The following TTC28 variants were observed in gnomAD, a reference collection of about 807,000 sequenced individuals.
The protein encoded by TTC28 is tetratricopeptide repeat protein 28.
TTC28 carries 61 observed loss-of-function variants against 198.0 expected under a neutral mutation model. The observed-to-expected ratio is 0.31, with a 90% CI of 0.25 to 0.38. The LOEUF is 0.38. TTC28 is among the 10% of genes least tolerant of loss of function. The probability of loss-of-function intolerance (pLI) is 1.00; values close to 1 mark genes in which losing one functional copy is unlikely to be tolerated. For missense variants in TTC28, 2,678 were observed against 3,164.0 expected, an observed-to-expected ratio of 0.85 and a Z score of 3.69; for synonymous variants, 1,171 against 1,297.8, an observed-to-expected ratio of 0.90 and a Z score of 2.10.
At chr22:28,641,940 T>C (rs2051372255) in intron 1 of TTC28, among the ~76,000 whole-genome samples, 2 of 152,074 alleles carry the variant, frequency 1.3e-5, no homozygotes, top group Admixed American at 6.6e-5. Context: ...CAAACCTTAG[T>C]GTACGTATAA....
chr22:28,393,151 G>A (rs539956965), intron 2 of TTC28, among the ~76,000 whole-genome samples: 1 of 152,046 alleles, frequency 6.6e-6, no homozygotes, highest in Non-Finnish European at 1.5e-5. Flanking sequence ...TCAAAATGCT[G>A]GGAATACCCA....
intron 2 of TTC28, among the ~76,000 whole-genome samples, chr22:28,420,162 A>G (rs1345487630): frequency 6.6e-6 from 1 of 152,244 alleles, no homozygotes; most frequent in Admixed American, 6.5e-5. Context: ...AAGAAGACAG[A>G]TGAAAGCTTT....
chr22:28,164,936 A>C (rs919542023), intron 5 of TTC28, among the ~76,000 whole-genome samples: 14 of 152,346 alleles, frequency 9.2e-5, no homozygotes, highest in East Asian at 5.8e-4. Flanking sequence ...TTGAAAAAAA[A>C]CTAGACAAAT....
intron 2 of TTC28, among the ~76,000 whole-genome samples, chr22:28,562,872 C>T (rs2049909540): frequency 1.3e-5 from 2 of 152,188 alleles, no homozygotes; most frequent in Admixed American, 6.5e-5. Context: ...CCTGTAATCC[C>T]AGCATTTTGG....
chr22:28,646,613 C>G (rs2051471628), intron 1 of TTC28, among the ~76,000 whole-genome samples: 1 of 152,060 alleles, frequency 6.6e-6, no homozygotes, highest in African/African-American at 2.4e-5. Context: ...ACCTGTAATC[C>G]CAGCACTCTG....
chr22:28,645,942 A>G (rs901087968), intron 1 of TTC28, among the ~76,000 whole-genome samples: 1 of 152,256 alleles, frequency 6.6e-6, no homozygotes, highest in Middle Eastern at 3.4e-3. Context: ...AAAAGCATGT[A>G]TGATAAACTT....
At chr22:28,292,626 A>G (rs748825700) in intron 5 of TTC28, among the ~76,000 whole-genome samples, 4 of 152,232 alleles carry the variant, frequency 2.6e-5, no homozygotes, top group Non-Finnish European at 5.9e-5. Context: ...CTTATCACTC[A>G]GCAAAACATG....
intron 5 of TTC28, among the ~76,000 whole-genome samples, chr22:28,293,702 A>T (rs887912214): frequency 5.9e-5 from 9 of 152,192 alleles, no homozygotes; most frequent in South Asian, 2.1e-4. Context: ...ATTTATGAAT[A>T]AAAAAACTAA....
At chr22:28,654,674 C>G (rs946011015) in intron 1 of TTC28, among the ~76,000 whole-genome samples, 1 of 152,188 alleles carries the variant, frequency 6.6e-6, no homozygotes, top group African/African-American at 2.4e-5. Context: ...CCTTCCCTCA[C>G]TGTGAAGTGT....
chr22:28,367,265 A>G (rs188791565), intron 2 of TTC28, among the ~76,000 whole-genome samples: 317 of 152,274 alleles, frequency 2.1e-3, no homozygotes, highest in Admixed American at 5.2e-3. Flanking sequence ...ATGGAATAAA[A>G]CTAGAAATCA....
At chr22:28,620,711 G>C (rs1414336629) in intron 2 of TTC28, among the ~76,000 whole-genome samples, 2 of 152,270 alleles carry the variant, frequency 1.3e-5, no homozygotes, top group East Asian at 3.9e-4. Context: ...AGTTCTTAAG[G>C]GTGCTCAGGG....
intron 2 of TTC28, among the ~76,000 whole-genome samples, chr22:28,600,035 T>G (rs2050612582): frequency 1.3e-5 from 2 of 152,192 alleles, no homozygotes; most frequent in South Asian, 4.1e-4. Flanking sequence ...CAACATAGCT[T>G]ACAACTGCCA....
At chr22:28,270,252 T>C (rs1931970607) in intron 5 of TTC28, among the ~76,000 whole-genome samples, 1 of 152,160 alleles carries the variant, frequency 6.6e-6, no homozygotes, top group African/African-American at 2.4e-5. Context: ...AAGAGACACA[T>C]TGGGAAAGCA....
chr22:28,336,017 A>G (rs2045710314), intron 2 of TTC28, among the ~76,000 whole-genome samples: 1 of 152,150 alleles, frequency 6.6e-6, no homozygotes, highest in Non-Finnish European at 1.5e-5. Flanking sequence ...CGTGCCATCA[A>G]TACCTAATTT....
intron 2 of TTC28, among the ~76,000 whole-genome samples, chr22:28,411,759 A>G (rs1393331222): frequency 6.6e-6 from 1 of 152,230 alleles, no homozygotes; most frequent in Non-Finnish European, 1.5e-5. Context: ...TATAAGGAGA[A>G]ACAAATGTAC....
intron 1 of TTC28, among the ~76,000 whole-genome samples, chr22:28,647,683 C>CAAAAAATTAGCCG (rs1034593575): frequency 2.0e-5 from 3 of 150,486 alleles, no homozygotes; most frequent in African/African-American, 7.3e-5. Flanking sequence ...ACTAAAAATA[C>CAAAAAATTAGCCG]AAAAAATTAG....
chr22:28,405,507 T>A (rs913734974), intron 2 of TTC28, among the ~76,000 whole-genome samples: 4 of 152,220 alleles, frequency 2.6e-5, no homozygotes, highest in African/African-American at 9.6e-5. Context: ...TAAAGCACTC[T>A]TGAAGTACAG....
chr22:28,293,343 T>C (rs939182322), intron 5 of TTC28, among the ~76,000 whole-genome samples: 6 of 152,002 alleles, frequency 3.9e-5, no homozygotes, highest in African/African-American at 1.4e-4. Context: ...TTGGAGAATA[T>C]CATGTTAAGT....
intron 2 of TTC28, among the ~76,000 whole-genome samples, chr22:28,360,739 G>A (rs2046145852): frequency 6.6e-6 from 1 of 152,122 alleles, no homozygotes; most frequent in Non-Finnish European, 1.5e-5. Context: ...TTACTTTATT[G>A]TGCTTTGCAG....
Sources: allele counts gnomAD v4.1 joint callset (sites outside exome capture counted in the v4.1 genomes callset), GRCh38; gene constraint gnomAD v4.1.1; transcripts MANE v1.5; gene names NCBI Gene and HGNC (gene_info 2026-07-23, HGNC 2026-07-21).